Variants in MANBA observed in about 807,000 individuals in gnomAD.
MANBA encodes the protein beta-mannosidase.
MANBA carries 83 observed loss-of-function variants against 111.1 expected under a neutral mutation model. The observed-to-expected ratio is 0.75, with a 90% CI of 0.63 to 0.90. MANBA has a LOEUF of 0.90. Among genes scored for constraint, MANBA ranks in the 40% least tolerant of loss-of-function variants. The pLI is 0.00. For synonymous variants in MANBA, 370 were observed against 378.7 expected (o/e 0.98, Z 0.27); for missense variants, 1,036 against 1,069.0 (o/e 0.97, Z 0.43).
In MANBA at chr4:102,632,180, A is replaced by G; in HGVS notation, c.2517T>C (p.Phe839=). The G allele has an allele frequency of 6.2e-7, 1 of 1,613,426 alleles. No homozygotes were observed. Among genetic ancestry groups the G allele is most frequent in the Non-Finnish European group, 8.5e-7 (1 of 1,179,316 alleles). Residue 839 remains phenylalanine (F), a synonymous_variant, in exon 17 of 17, where the codon TTT becomes TTC. Transcript: ENST00000647097. ...WLDVGSIPGR[F]SDNGFLMTEK... ...CAGTCATGAGGAAACCATTGTCACT[A>G]AATCTCCCTGGGATGCTTCCTACAT...
intron 9 of MANBA, 182 bp downstream of exon 9, chr4:102,671,099 A>G (rs1242386218): frequency 3.8e-6 from 2 of 524,926 alleles, no homozygotes; most frequent in East Asian, 6.8e-5. Context: ...ATTTAAAAAT[A>G]AATAATTATG....
chr4:102,648,669 A>G (rs983421111), intron 13 of MANBA, among the ~76,000 whole-genome samples: 2 of 152,232 alleles, frequency 1.3e-5, no homozygotes, highest in Non-Finnish European at 2.9e-5. Context: ...TGGTTGCACC[A>G]CTCTATAAAT....
At chr4:102,634,682 C>A in intron 16 of MANBA, 106 bp downstream of exon 16, 1 of 1,476,762 alleles carries the variant, frequency 6.8e-7, no homozygotes, top group South Asian at 1.1e-5. Context: ...GTAAACTCAG[C>A]ACCAAGGGGG....
intron 1 of MANBA, 115 bp downstream of exon 1, chr4:102,760,603 C>G: frequency 8.6e-7 from 1 of 1,167,202 alleles, no homozygotes; most frequent in Non-Finnish European, 1.2e-6. Context: ...GGGGAAGTTA[C>G]TACCAAACCG....
chr4:102,658,387 G>A (rs1050677371), intron 11 of MANBA, among the ~76,000 whole-genome samples: 1 of 152,090 alleles, frequency 6.6e-6, no homozygotes, highest in African/African-American at 2.4e-5. Flanking sequence ...GTTCCATGGG[G>A]GCAAAATCAC....
chr4:102,745,242 T>TA (rs1723545517), intron 1 of MANBA, among the ~76,000 whole-genome samples: 2 of 152,200 alleles, frequency 1.3e-5, no homozygotes, highest in African/African-American at 4.8e-5. Context: ...ACTGGGGGTC[T>TA]CCTTGGGGAA....
intron 7 of MANBA, chr4:102,682,999 T>C (rs1467795915): frequency 1.3e-5 from 2 of 152,184 alleles, no homozygotes; most frequent in Non-Finnish European, 2.9e-5. Context: ...AATACAAAAA[T>C]ACACCTTGAT....
chr4:102,692,621 G>A (rs948335640), intron 5 of MANBA, among the ~76,000 whole-genome samples: 3 of 152,208 alleles, frequency 2.0e-5, no homozygotes, highest in South Asian at 4.1e-4. Flanking sequence ...GGTACAGGGG[G>A]TTAGAGTCAG....
intron 5 of MANBA, among the ~76,000 whole-genome samples, chr4:102,713,910 AAAAAAG>A (rs1722204276): frequency 6.6e-6 from 1 of 151,556 alleles, no homozygotes; most frequent in African/African-American, 2.4e-5. Context: ...AAAAAAAAAA[AAAAAAG>A]AAAAGAAAAG....
At chr4:102,709,636 C>T (rs934595007) in intron 5 of MANBA, among the ~76,000 whole-genome samples, 2 of 152,106 alleles carry the variant, frequency 1.3e-5, no homozygotes, top group Admixed American at 6.5e-5. Flanking sequence ...TTCTCTCTAA[C>T]TCATTCCAGA....
At chr4:102,708,094 C>G (rs924212317) in intron 5 of MANBA, among the ~76,000 whole-genome samples, 1 of 152,084 alleles carries the variant, frequency 6.6e-6, no homozygotes, top group African/African-American at 2.4e-5. Context: ...CAGCATTACA[C>G]AGATCATCTA....
rs144315790 is a variant in MANBA, at chr4:102,719,276, C to T, written c.549+3595G>A. On this transcript the variant is annotated intron_variant, in intron 4 of 16. Transcript: ENST00000647097. Reference sequence around the variant, plus strand: ...GCGATATTTCTCCTACTTGCACATCCGTTTATAGGCTTTCTGCAAGAAGAT... The same window carrying T: ...GCGATATTTCTCCTACTTGCACATCTGTTTATAGGCTTTCTGCAAGAAGAT... Among the ~76,000 whole-genome samples the T allele has an allele frequency of 5.7e-3, 861 of 152,242 alleles. 12 individuals are homozygous for T. Among genetic ancestry groups the T allele is most frequent in the African/African-American group, 0.019 (780 of 41,552 alleles).
At chr4:102,720,790 A>G (rs1722534713) in intron 4 of MANBA, among the ~76,000 whole-genome samples, 1 of 152,218 alleles carries the variant, frequency 6.6e-6, no homozygotes, top group South Asian at 2.1e-4. Flanking sequence ...CTGTTATTAC[A>G]GTAATTTGAA....
chr4:102,716,304 A>G (rs1045530093), intron 4 of MANBA, among the ~76,000 whole-genome samples: 2 of 125,952 alleles, frequency 1.6e-5, no homozygotes, highest in African/African-American at 6.5e-5. Context: ...AGTGAAACTC[A>G]GTCTCAAAAA....
At chr4:102,729,001 G>A (rs1722920488) in intron 1 of MANBA, 2 of 960,170 alleles carry the variant, frequency 2.1e-6, no homozygotes, top group Admixed American at 1.7e-5. Flanking sequence ...GCAGCTTCCT[G>A]TAGGTGGCTA....
At chr4:102,691,324 G>A (rs1732464085) in intron 5 of MANBA, among the ~76,000 whole-genome samples, 1 of 151,968 alleles carries the variant, frequency 6.6e-6, no homozygotes, top group African/African-American at 2.4e-5. Context: ...GCTAAGTGAT[G>A]GGAATTAAAT....
intron 1 of MANBA, among the ~76,000 whole-genome samples, chr4:102,736,470 T>G (rs564621588): frequency 1.3e-5 from 2 of 152,336 alleles, no homozygotes; most frequent in East Asian, 3.9e-4. Context: ...TAACCAGGTA[T>G]AGCTTTTCCA....
chr4:102,675,030 C>T (rs1199916962), intron 7 of MANBA, among the ~76,000 whole-genome samples: 1 of 152,138 alleles, frequency 6.6e-6, no homozygotes, highest in African/African-American at 2.4e-5. Context: ...AGAATATGTC[C>T]TGGATAAGGA....
At chr4:102,687,910 A>T (rs1006693363) in intron 7 of MANBA, among the ~76,000 whole-genome samples, 4 of 152,166 alleles carry the variant, frequency 2.6e-5, no homozygotes, top group African/African-American at 7.2e-5. Context: ...CGGCAGCCAC[A>T]GCCAAAGAGC....
Sources: gnomAD v4.1 joint callset for allele counts (sites outside exome capture counted in the v4.1 genomes callset) on GRCh38, gnomAD v4.1.1 for gene constraint, MANE v1.5 for transcripts, NCBI Gene and HGNC (gene_info 2026-07-23, HGNC 2026-07-21) for gene names.